Variants in CLSTN2 observed in about 807,000 individuals in gnomAD.
CLSTN2 encodes calsyntenin 2, also known as calsyntenin-2.
A neutral mutation model predicts 101.2 loss-of-function variants in CLSTN2; 48 were observed. The ratio of observed to expected loss-of-function variants is 0.47; its 90% CI spans 0.38 to 0.60. The LOEUF (loss-of-function observed/expected upper bound fraction) is 0.60. Among genes scored for constraint, CLSTN2 ranks in the 20% least tolerant of loss-of-function variants. The pLI is 0.00. For missense variants in CLSTN2, 1,160 were observed against 1,238.2 expected, an observed-to-expected ratio of 0.94 and a Z score of 0.95; for synonymous variants, 481 against 463.6, an observed-to-expected ratio of 1.04 and a Z score of -0.48.
chr3:140,501,213 T>A (rs1249319926), intron 8 of CLSTN2, among the ~76,000 whole-genome samples: 1 of 152,196 alleles, frequency 6.6e-6, no homozygotes, highest in African/African-American at 2.4e-5. Flanking sequence ...AATAATTAAG[T>A]TCCTGAAATT....
chr3:140,129,542 G>A (rs1042826789), intron 1 of CLSTN2, among the ~76,000 whole-genome samples: 2 of 152,058 alleles, frequency 1.3e-5, no homozygotes, highest in African/African-American at 2.4e-5. Context: ...CATGCAAAGT[G>A]TCTAGTACAC....
intron 2 of CLSTN2, among the ~76,000 whole-genome samples, chr3:140,382,630 G>A (rs1183943320): frequency 6.6e-6 from 1 of 152,142 alleles, no homozygotes; most frequent in Non-Finnish European, 1.5e-5. Flanking sequence ...CATTGGAGCT[G>A]CTATAATAAA....
intron 1 of CLSTN2, among the ~76,000 whole-genome samples, chr3:140,123,230 A>G (rs961001429): frequency 6.6e-6 from 1 of 151,620 alleles, no homozygotes; most frequent in Non-Finnish European, 1.5e-5. Flanking sequence ...GAAGGTCAAG[A>G]GGGCCCAGTT....
At chr3:139,985,582 C>A (rs978949137) in intron 1 of CLSTN2, among the ~76,000 whole-genome samples, 6 of 152,152 alleles carry the variant, frequency 3.9e-5, no homozygotes, top group Admixed American at 6.6e-5. Flanking sequence ...TATGTTCCCA[C>A]GTGCATTGTT....
chr3:140,337,675 G>A (rs2087456352), intron 2 of CLSTN2, among the ~76,000 whole-genome samples: 1 of 152,196 alleles, frequency 6.6e-6, no homozygotes, highest in African/African-American at 2.4e-5. Context: ...GATACCACCA[G>A]GTCATGGGGC....
At chr3:140,401,489 T>C (rs948404402) in intron 2 of CLSTN2, among the ~76,000 whole-genome samples, 20 of 152,236 alleles carry the variant, frequency 1.3e-4, no homozygotes, top group African/African-American at 4.3e-4. Context: ...TTGTCTTCCC[T>C]TTGTATCTCC....
rs1320495590 is a variant in CLSTN2 at position 140,573,328 on chromosome 3, G to A, written c.*7075G>A. 2 of 152,166 alleles carry A rather than the reference G, an allele frequency of 1.3e-5. No individual in the cohort carries two copies. The highest frequency in any genetic ancestry group is 4.8e-5 in the African/African-American group (2 of 41,434). 9.4% of individuals were successfully genotyped at this position (152,166 alleles called of 1,614,324 possible). A position where few individuals can be genotyped will look rare whatever the true frequency, so the allele number is the denominator to read the frequency against. On this transcript the variant is annotated 3_prime_UTR_variant, in exon 17 of 17. Transcript: ENST00000458420. ...TCAAACACTGAATTGCTTGGGGAAT[G>A]GATGGCCTTCCTTGGAAGGGCAGTA...
intron 5 of CLSTN2, among the ~76,000 whole-genome samples, chr3:140,441,868 A>G (rs2088770275): frequency 6.6e-6 from 1 of 152,152 alleles, no homozygotes. Flanking sequence ...CCAGGGCCCC[A>G]TGAAGCCCTC....
intron 7 of CLSTN2, 22 bp downstream of exon 7, chr3:140,459,791 T>C (rs1437595154): frequency 6.4e-7 from 1 of 1,563,040 alleles, no homozygotes; most frequent in Non-Finnish European, 8.7e-7. Context: ...GCCCAGCCCT[T>C]CCACCCCTCC....
chr3:140,430,839 G>T (rs1020648614), intron 5 of CLSTN2, among the ~76,000 whole-genome samples: 7 of 152,214 alleles, frequency 4.6e-5, no homozygotes, highest in African/African-American at 1.7e-4. Flanking sequence ...GGAAAACTTA[G>T]AGAGATTGAC....
At chr3:140,139,465 A>C (rs1415369579) in intron 1 of CLSTN2, among the ~76,000 whole-genome samples, 1 of 152,192 alleles carries the variant, frequency 6.6e-6, no homozygotes, top group Non-Finnish European at 1.5e-5. Context: ...TCAATAGTTC[A>C]CAGCCTTGGG....
intron 2 of CLSTN2, among the ~76,000 whole-genome samples, chr3:140,283,617 T>G (rs1052448804): frequency 2.0e-5 from 3 of 152,202 alleles, no homozygotes; most frequent in Non-Finnish European, 4.4e-5. Context: ...GGACATATTC[T>G]TCTTCCCAGG....
At chr3:140,354,678 T>C (rs945256902) in intron 2 of CLSTN2, among the ~76,000 whole-genome samples, 2 of 152,174 alleles carry the variant, frequency 1.3e-5, no homozygotes, top group Non-Finnish European at 2.9e-5. Context: ...GAGGGCTGTA[T>C]CTGGAGTGAG....
In CLSTN2 at chr3:140,152,138, AT is replaced by A. The variant is rs1192077117; in HGVS notation, c.110-23811del. On this transcript the variant is annotated intron_variant, in intron 1 of 16. Coordinates refer to ENST00000458420, the MANE Select transcript of CLSTN2 (RefSeq NM_022131.3). ...ATTAATTAATGTATTATTACTAAAA[AT>A]TAATGTATTTTATTAATTCATACAC... is the stretch of plus-strand genomic sequence containing the variant. Among the ~76,000 whole-genome samples, 3 of 152,358 alleles carry A rather than the reference AT, an allele frequency of 2.0e-5. No homozygotes were observed. In the East Asian group the frequency reaches 5.8e-4, roughly 29 times the overall value.
chr3:140,459,034 T>A (rs1336527061), intron 6 of CLSTN2, among the ~76,000 whole-genome samples: 1 of 152,294 alleles, frequency 6.6e-6, no homozygotes, highest in East Asian at 1.9e-4. Context: ...ACAGCCCTGA[T>A]CACATTTTGT....
intron 7 of CLSTN2, among the ~76,000 whole-genome samples, chr3:140,460,597 T>C (rs79802330): frequency 9.5e-4 from 145 of 152,354 alleles, no homozygotes; most frequent in African/African-American, 3.4e-3. Context: ...CCTTAGAGGT[T>C]GACTAACTTG....
chr3:140,183,727 T>C (rs1576458977), intron 2 of CLSTN2, among the ~76,000 whole-genome samples: 1 of 152,194 alleles, frequency 6.6e-6, no homozygotes, highest in Non-Finnish European at 1.5e-5. Context: ...AAACAACTTG[T>C]ACACAACAGC....
At chr3:140,124,863 G>A (rs1029546137) in intron 1 of CLSTN2, among the ~76,000 whole-genome samples, 25 of 152,278 alleles carry the variant, frequency 1.6e-4, no homozygotes, top group Admixed American at 1.4e-3. Flanking sequence ...ATAGTGAATG[G>A]GGACAAGGAC....
chr3:140,190,200 C>T (rs1021052944), intron 2 of CLSTN2, among the ~76,000 whole-genome samples: 4 of 152,080 alleles, frequency 2.6e-5, no homozygotes, highest in African/African-American at 9.7e-5. Flanking sequence ...GCTGGGAGGA[C>T]ACACACATTC....
Sources: allele counts gnomAD v4.1 joint callset (sites outside exome capture counted in the v4.1 genomes callset), GRCh38; gene constraint gnomAD v4.1.1; transcripts MANE v1.5; gene names NCBI Gene and HGNC (gene_info 2026-07-23, HGNC 2026-07-21).